Variants in C8orf76 observed in about 807,000 individuals in gnomAD.
The protein encoded by C8orf76 is chromosome 8 open reading frame 76.
Under a neutral mutation model 38.1 loss-of-function variants are expected in C8orf76, and 46 were observed. That is an observed-to-expected ratio of 1.21 (90% CI 0.95 to 1.54). The LOEUF (loss-of-function observed/expected upper bound fraction) is 1.54, where lower values mean the gene tolerates loss of function less well. Among genes scored for constraint, C8orf76 ranks in the 40% most tolerant of loss-of-function variants. The pLI, the probability that C8orf76 is intolerant of heterozygous loss-of-function variation, is 0.00. For missense variants in C8orf76, 461 were observed against 441.6 expected (o/e 1.04, Z -0.39); for synonymous variants, 166 against 167.5 (o/e 0.99, Z 0.07).
At chr8:123,225,462 G>A (rs1372171161) in intron 5 of C8orf76, among the ~76,000 whole-genome samples, 1 of 152,192 alleles carries the variant, frequency 6.6e-6, no homozygotes, top group Non-Finnish European at 1.5e-5. Context: ...GGTGACAATG[G>A]AACCTAGGGG....
intron 3 of C8orf76, among the ~76,000 whole-genome samples, chr8:123,233,571 T>C (rs978305496): frequency 4.7e-5 from 7 of 149,994 alleles, no homozygotes; most frequent in Non-Finnish European, 8.9e-5. Flanking sequence ...GTTTTTAAAA[T>C]TGTTATTAGG....
intron 3 of C8orf76, 41 bp downstream of exon 3, chr8:123,237,757 T>C: frequency 6.3e-7 from 1 of 1,599,374 alleles, no homozygotes; most frequent in Non-Finnish European, 8.5e-7. Context: ...TCGACCACCC[T>C]TATAGGAATG....
intron 4 of C8orf76, among the ~76,000 whole-genome samples, chr8:123,228,165 C>A (rs372569313): frequency 2.6e-5 from 4 of 152,190 alleles, no homozygotes; most frequent in African/African-American, 9.7e-5. Context: ...CGCTGGTCAC[C>A]AAGTCCTGTC....
At chr8:123,232,605 A>G (rs551070834) in intron 3 of C8orf76, among the ~76,000 whole-genome samples, 7 of 152,336 alleles carry the variant, frequency 4.6e-5, no homozygotes, top group African/African-American at 1.7e-4. Flanking sequence ...AGCATGAAAC[A>G]TGAGCAAAAC....
chr8:123,241,365 G>T lies in C8orf76; in HGVS notation c.-19C>A. On this transcript the variant is annotated 5_prime_UTR_variant, in exon 1 of 6. Coordinates refer to ENST00000276704, the MANE Select transcript of C8orf76 (RefSeq NM_032847.3). ...AATCCATCTCGCGCCCGCGGCGGGGGCAACGAGGAAGCGGGGCCCGCCGGA... is the reference window on the plus strand; with the variant it reads ...AATCCATCTCGCGCCCGCGGCGGGGTCAACGAGGAAGCGGGGCCCGCCGGA... The T allele has an allele frequency of 1.9e-6, 3 of 1,543,062 alleles. No individual in the cohort carries two copies. The highest frequency in any genetic ancestry group is 2.6e-6 in the Non-Finnish European group (3 of 1,154,382).
chr8:123,237,725 T>C, intron 3 of C8orf76, 73 bp downstream of exon 3: 1 of 1,502,100 alleles, frequency 6.7e-7, no homozygotes, highest in South Asian at 1.4e-5. Flanking sequence ...GAAGTTTGTT[T>C]TGTTTTCAAA....
At chr8:123,230,739 C>T (rs989297362) in intron 4 of C8orf76, among the ~76,000 whole-genome samples, 1 of 152,048 alleles carries the variant, frequency 6.6e-6, no homozygotes, top group African/African-American at 2.4e-5. Context: ...CAACCTCCGC[C>T]TCCCGGGTTC....
rs767252268 is a variant in C8orf76, at chr8:123,231,721, C to T, written c.394G>A (p.Val132Ile). Residue 132 changes from valine (V) to isoleucine (I), a missense_variant, in exon 4 of 6, where the codon GTA (valine) becomes ATA (isoleucine). Transcript: ENST00000276704. ...CAAATAGCAAGCTGGAGGTAGAGTA[C>T]CGTGGTTAAATGGTCTGTGTTGGTT... ...KATNTDHLTT[V>I]LYLQLAICSS... 1 of 1,610,668 alleles carries T rather than the reference C, an allele frequency of 6.2e-7. No individual in the cohort carries two copies. The highest frequency in any genetic ancestry group is 8.5e-7 in the Non-Finnish European group (1 of 1,179,914).
rs55708440 is a variant in C8orf76, at chr8:123,239,316, T to C, written c.118-172A>G. On this transcript the variant is annotated intron_variant, in intron 1 of 5. Coordinates refer to ENST00000276704, the MANE Select transcript of C8orf76 (RefSeq NM_032847.3). ...CAAGTGATCCTGCCTCTGCCCACCT[T>C]GGCCTCCCAAAGTGCTGGGATTACA... The C allele has an allele frequency of 7.3e-3, 4,411 of 603,444 alleles. 28 individuals are homozygous for C. The highest frequency in any genetic ancestry group is 0.011 in the African/African-American group (572 of 53,512). The allele number at this position is 603,444 out of a possible 1,614,324, so 37.4% of individuals were successfully genotyped here. A position where few individuals can be genotyped will look rare whatever the true frequency, so the allele number is the denominator to read the frequency against.
At chr8:123,228,501 C>T (rs924487821) in intron 4 of C8orf76, among the ~76,000 whole-genome samples, 5 of 152,136 alleles carry the variant, frequency 3.3e-5, no homozygotes, top group African/African-American at 1.2e-4. Flanking sequence ...TGCCTGTAAT[C>T]CCAGCTACTC....
Position 123,231,624 on chromosome 8 carries a change from G to C in C8orf76, c.491C>G (p.Pro164Arg). Reference sequence around the variant, plus strand: ...CTCTGCCAATTTGCCCCAGTTCCAAGGATTAAAAGGATGCAAAGAAATCAG... The same window carrying C: ...CTCTGCCAATTTGCCCCAGTTCCAACGATTAAAAGGATGCAAAGAAATCAG... ...QKLISLHPFN[P>R]WNWGKLAEAY... The change falls in exon 4 of 6, where the codon CCT (proline) becomes CGT (arginine). Residue 164 changes from proline (P) to arginine (R), a missense_variant. Pro to Arg is a moderately radical substitution (Grantham distance 103). Coordinates refer to ENST00000276704, the MANE Select transcript of C8orf76 (RefSeq NM_032847.3). 6.2e-7 allele frequency: 1 copy of C among 1,614,182 alleles called. No homozygotes were observed. The highest frequency in any genetic ancestry group is 1.1e-5 in the South Asian group (1 of 91,088).
At chr8:123,238,398 C>CT (rs1158881139) in intron 2 of C8orf76, among the ~76,000 whole-genome samples, 3,402 of 147,618 alleles carry the variant, frequency 0.023, 128 homozygotes, top group African/African-American at 0.078. Context: ...TCCATTAAAC[C>CT]TTTTTTTTTT....
intron 3 of C8orf76, among the ~76,000 whole-genome samples, chr8:123,232,824 T>C (rs1231507879): frequency 6.6e-6 from 1 of 152,208 alleles, no homozygotes; most frequent in African/African-American, 2.4e-5. Context: ...TTTAGCTCCA[T>C]AAGAGCTTTT....
intron 1 of C8orf76, among the ~76,000 whole-genome samples, chr8:123,240,344 G>A (rs1825639024): frequency 6.6e-6 from 1 of 152,186 alleles, no homozygotes; most frequent in Non-Finnish European, 1.5e-5. Context: ...AAATGCAACT[G>A]AAATAACCAA....
chr8:123,240,915 A>G (rs1025396794), intron 1 of C8orf76, among the ~76,000 whole-genome samples: 4 of 152,250 alleles, frequency 2.6e-5, no homozygotes, highest in African/African-American at 9.6e-5. Flanking sequence ...CAGCTGTAAG[A>G]GCAGTGAAGA....
chr8:123,233,312 C>T (rs189344712), intron 3 of C8orf76, among the ~76,000 whole-genome samples: 248 of 152,082 alleles, frequency 1.6e-3, no homozygotes, highest in African/African-American at 5.7e-3. Context: ...AACCACTGTG[C>T]CCAGCCTCAA....
rs1261692705 is a variant in C8orf76 at position 123,226,586 on chromosome 8, C to A, written c.862G>T (p.Glu288Ter). ...TCCTGCTGAGTCCTTAAGTTCCTCT[C>A]CAAAGCAAACGATGTTTGCTGAGGT... ...TQPQQTSFAL[E>*]RNLRTQQEIE... is the part of the protein sequence containing the mutation. Residue 288 changes from glutamate to a stop codon, truncating the protein, a stop_gained, in exon 5 of 6, where the codon GAG becomes TAG. Coordinates refer to ENST00000276704, the MANE Select transcript of C8orf76 (RefSeq NM_032847.3). LOFTEE classifies it high-confidence loss of function. 6 of 1,611,540 alleles carry A rather than the reference C, an allele frequency of 3.7e-6. No individual in the cohort carries two copies. The highest frequency in any genetic ancestry group is 1.7e-6 in the Non-Finnish European group (2 of 1,179,480).
intron 4 of C8orf76, among the ~76,000 whole-genome samples, chr8:123,229,128 T>A (rs779091284): frequency 3.3e-5 from 5 of 152,262 alleles, no homozygotes; most frequent in South Asian, 4.1e-4. Context: ...GTGACAACAC[T>A]GTTCTAGAAC....
At chr8:123,231,102 A>G (rs2131147113) in intron 4 of C8orf76, among the ~76,000 whole-genome samples, 198 bp downstream of exon 4, 1 of 152,366 alleles carries the variant, frequency 6.6e-6, no homozygotes, top group Middle Eastern at 3.4e-3. Flanking sequence ...CAGCTAACAC[A>G]GGTTGTATTC....
Sources: gnomAD v4.1 joint callset for allele counts (sites outside exome capture counted in the v4.1 genomes callset) on GRCh38, gnomAD v4.1.1 for gene constraint, MANE v1.5 for transcripts, NCBI Gene and HGNC (gene_info 2026-07-23, HGNC 2026-07-21) for gene names.